The following COL22A1 variants were observed in gnomAD, a reference collection of about 807,000 sequenced individuals.
The protein encoded by COL22A1 is collagen alpha-1(XXII) chain.
Under a neutral mutation model 248.9 loss-of-function variants are expected in COL22A1, and 221 were observed. The ratio of observed to expected loss-of-function variants is 0.89; its 90% CI spans 0.80 to 0.99. The LOEUF is 0.99. COL22A1 is among the 50% of genes least tolerant of loss of function. COL22A1 has a pLI of 0.00. For missense variants in COL22A1, 2,240 were observed against 2,179.0 expected, an observed-to-expected ratio of 1.03 and a Z score of -0.56; for synonymous variants, 891 against 793.4, an observed-to-expected ratio of 1.12 and a Z score of -2.07.
intron 31 of COL22A1, among the ~76,000 whole-genome samples, chr8:138,700,510 A>T (rs898492642): frequency 1.3e-5 from 2 of 152,148 alleles, no homozygotes; most frequent in African/African-American, 4.8e-5. Context: ...TCATGTCACA[A>T]TGTCTCCTTC....
At chr8:138,594,310 C>G in intron 62 of COL22A1, 111 bp from the exon 63 acceptor site, 2 of 858,606 alleles carry the variant, frequency 2.3e-6, no homozygotes, top group Non-Finnish European at 3.4e-6. Context: ...GCTGCAGAAA[C>G]GGACATAGGA....
chr8:138,865,281 C>T (rs1563859830), intron 3 of COL22A1, among the ~76,000 whole-genome samples: 1 of 152,080 alleles, frequency 6.6e-6, no homozygotes, highest in Non-Finnish European at 1.5e-5. Flanking sequence ...GTTTGGTTGT[C>T]TATGTGTGTG....
chr8:138,776,064 C>G (rs1814428809), intron 15 of COL22A1, 54 bp from the exon 16 acceptor site: 1 of 1,583,486 alleles, frequency 6.3e-7, no homozygotes, highest in African/African-American at 1.3e-5. Flanking sequence ...CTTCTCTGTG[C>G]TCACCGTGGG....
At chr8:138,740,421 G>A (rs1190363714) in intron 22 of COL22A1, among the ~76,000 whole-genome samples, 2 of 152,098 alleles carry the variant, frequency 1.3e-5, no homozygotes, top group African/African-American at 4.8e-5. Flanking sequence ...CCCTCTCCAG[G>A]GTGACACAAT....
chr8:138,884,996 ATGTGCATATGTG>A (rs972940321), intron 1 of COL22A1, among the ~76,000 whole-genome samples: 2 of 147,498 alleles, frequency 1.4e-5, no homozygotes, highest in African/African-American at 4.9e-5. Flanking sequence ...AAACACACCC[ATGTGCATATGTG>A]TGTGCACGCA....
intron 23 of COL22A1, among the ~76,000 whole-genome samples, chr8:138,732,248 G>A (rs2131220297): frequency 6.6e-6 from 1 of 152,266 alleles, no homozygotes; most frequent in Middle Eastern, 3.4e-3. Flanking sequence ...AGAAAGAATG[G>A]GACTACAGGA....
At chr8:138,684,285 C>CCTTTAA in intron 39 of COL22A1, 140 bp downstream of exon 39, 1 of 720,762 alleles carries the variant, frequency 1.4e-6, no homozygotes. Context: ...AGTCCTAGAA[C>CCTTTAA]CTTTAGTCAA....
chr8:138,823,757 C>G (rs142676090), intron 6 of COL22A1, among the ~76,000 whole-genome samples: 1 of 152,182 alleles, frequency 6.6e-6, no homozygotes, highest in African/African-American at 2.4e-5. Context: ...TTATCTTATG[C>G]GTATCTTTTG....
At chr8:138,854,896 G>A (rs1344492949) in intron 3 of COL22A1, among the ~76,000 whole-genome samples, 3 of 149,392 alleles carry the variant, frequency 2.0e-5, no homozygotes, top group Non-Finnish European at 4.5e-5. Context: ...CAATGGTGGT[G>A]ATGGTGGTGG....
chr8:138,722,858 G>GGGT (rs1412721502), intron 25 of COL22A1, among the ~76,000 whole-genome samples: 1 of 108,886 alleles, frequency 9.2e-6, no homozygotes, highest in South Asian at 4.3e-4. Context: ...GGCGGGGGGG[G>GGGT]GGTGGTGGAA....
chr8:138,611,002 G>C (rs1348732305), intron 56 of COL22A1, among the ~76,000 whole-genome samples: 1 of 152,176 alleles, frequency 6.6e-6, no homozygotes, highest in Admixed American at 6.6e-5. Flanking sequence ...GGAGGTCGAG[G>C]CTGCAGTTAA....
In COL22A1 at chr8:138,685,281, G is replaced by A. The variant is rs772545118; in HGVS notation, c.2894C>T (p.Pro965Leu). ...ACCAGGATCTCCCCTGGGACCAACT[G>A]GCCCTGGGCTGCCTTCTTCCCCCGC... ...GAAGEEGSPG[P>L]VGPRGDPGAP... Residue 965 changes from proline to leucine, a missense_variant, in exon 38 of 65, where the codon CCA becomes CTA. Transcript: ENST00000303045. 9.3e-6 allele frequency: 15 copies of A among 1,613,802 alleles called. No individual in the cohort carries two copies. The highest frequency in any genetic ancestry group is 5.9e-6 in the Non-Finnish European group (7 of 1,179,888).
At chr8:138,819,471 G>A (rs890568653) in intron 7 of COL22A1, among the ~76,000 whole-genome samples, 9 of 151,604 alleles carry the variant, frequency 5.9e-5, no homozygotes, top group African/African-American at 1.2e-4. Flanking sequence ...GATGAAAACC[G>A]CAATATTACC....
At chr8:138,694,658 T>C (rs1827352683) in intron 33 of COL22A1, 97 bp from the exon 34 acceptor site, 1 of 1,417,898 alleles carries the variant, frequency 7.1e-7, no homozygotes, top group African/African-American at 1.4e-5. Context: ...TAATTTGAGA[T>C]CCAAGGAGGG....
chr8:138,800,692 C>T (rs376818777), intron 11 of COL22A1, among the ~76,000 whole-genome samples: 34 of 152,214 alleles, frequency 2.2e-4, no homozygotes, highest in African/African-American at 7.7e-4. Context: ...TGCGATGGAC[C>T]GCTTCCCAGA....
chr8:138,776,983 C>CAGA (rs1814522453), intron 15 of COL22A1, among the ~76,000 whole-genome samples: 3 of 152,212 alleles, frequency 2.0e-5, no homozygotes, highest in Non-Finnish European at 4.4e-5. Flanking sequence ...CGGTGAGGCA[C>CAGA]TGGGGCCACC....
intron 1 of COL22A1, among the ~76,000 whole-genome samples, chr8:138,904,977 C>T (rs766826739): frequency 4.9e-4 from 75 of 152,190 alleles, no homozygotes; most frequent in Non-Finnish European, 7.9e-4. Flanking sequence ...TAGTATCTCT[C>T]TAAGCCTCGG....
chr8:138,725,405 A>G lies in COL22A1; in HGVS notation c.2175T>C (p.Pro725=). Residue 725 remains proline, a synonymous_variant, in exon 24 of 65, where the codon CCT becomes CCC. Coordinates refer to ENST00000303045, the MANE Select transcript of COL22A1 (RefSeq NM_152888.3). ...GTCTTACCGGAGAACCTCCCGGTCC[A>G]GGGGGGCCTGGGACACCAGGGGGTC... ...PPGPPGVPGP[P]GPGGSPGLPG... is the part of the protein sequence containing the mutation. The G allele has an allele frequency of 6.2e-7, 1 of 1,614,028 alleles. No individual in the cohort carries two copies. The highest frequency in any genetic ancestry group is 8.5e-7 in the Non-Finnish European group (1 of 1,180,014).
At chr8:138,840,692 A>G (rs1271599502) in intron 4 of COL22A1, among the ~76,000 whole-genome samples, 2 of 152,104 alleles carry the variant, frequency 1.3e-5, no homozygotes, top group African/African-American at 4.8e-5. Flanking sequence ...GGCTTAAGCG[A>G]ACCACCCACC....
Sources: gnomAD v4.1 joint callset for allele counts (sites outside exome capture counted in the v4.1 genomes callset) on GRCh38, gnomAD v4.1.1 for gene constraint, MANE v1.5 for transcripts, NCBI Gene and HGNC (gene_info 2026-07-23, HGNC 2026-07-21) for gene names.